Variants in B3GALT5 observed in about 807,000 individuals in gnomAD.
B3GALT5 encodes the protein beta-1,3-galactosyltransferase 5, also known as UDP-Gal:betaGlcNAc beta 1,3-galactosyltransferase, polypeptide 5.
For synonymous variants in B3GALT5, 156 were observed against 158.6 expected, an observed-to-expected ratio of 0.98 and a Z score of 0.12; for missense variants, 328 against 396.6, an observed-to-expected ratio of 0.83 and a Z score of 1.47.
chr21:39,659,747 T>C lies in B3GALT5; in HGVS notation c.-160-6T>C, dbSNP rs1254652799. 2 of 984,020 alleles carry C rather than the reference T, an allele frequency of 2.0e-6. No homozygotes were observed. The highest frequency in any genetic ancestry group is 1.8e-5 in the African/African-American group (1 of 57,116). 61.0% of individuals were successfully genotyped at this position (984,020 alleles called of 1,614,324 possible). A position where few individuals can be genotyped will look rare whatever the true frequency, so the allele number is the denominator to read the frequency against. ...TTGAATGACACTCTTTTTTTTTTTT[T>C]CCTAGTGATTCCTGTCAGAATCACC... On this transcript the variant is annotated splice_region_variant and splice_polypyrimidine_tract_variant and intron_variant, in intron 2 of 3. Transcript: ENST00000684187.
At chr21:39,639,351 C>T (rs12627649) in intron 1 of B3GALT5, among the ~76,000 whole-genome samples, 5,563 of 61,666 alleles carry the variant, frequency 0.09, 171 homozygotes, top group African/African-American at 0.099. Flanking sequence ...TCTTTCTTTC[C>T]TTCCTTCCTT....
intron 1 of B3GALT5, among the ~76,000 whole-genome samples, chr21:39,619,997 C>T (rs949249683): frequency 6.6e-6 from 1 of 151,892 alleles, no homozygotes; most frequent in African/African-American, 2.4e-5. Context: ...TTGGTAGAGA[C>T]GGTATTTTTG....
At chr21:39,617,847 C>T (rs941307256) in intron 1 of B3GALT5, among the ~76,000 whole-genome samples, 1 of 152,106 alleles carries the variant, frequency 6.6e-6, no homozygotes, top group Non-Finnish European at 1.5e-5. Flanking sequence ...GCCAGAAGAT[C>T]GGATACCTCT....
intron 1 of B3GALT5, among the ~76,000 whole-genome samples, chr21:39,627,374 G>T (rs116720047): frequency 0.012 from 1,778 of 152,276 alleles, 42 homozygotes; most frequent in African/African-American, 0.041. Context: ...CACCCTGTGG[G>T]GTTTCTCCTT....
intron 1 of B3GALT5, among the ~76,000 whole-genome samples, chr21:39,624,364 T>A (rs2079152917): frequency 6.6e-6 from 1 of 152,232 alleles, no homozygotes; most frequent in Non-Finnish European, 1.5e-5. Flanking sequence ...CTTACTTTTT[T>A]CATTTCAGTG....
At chr21:39,659,947 C>T (rs2079493672) in intron 3 of B3GALT5, 35 bp downstream of exon 3, 1 of 978,566 alleles carries the variant, frequency 1.0e-6, no homozygotes, top group South Asian at 4.7e-5. Context: ...TATAACGTTA[C>T]CATGGATGAT....
chr21:39,650,962 A>G (rs1444936926), intron 2 of B3GALT5, among the ~76,000 whole-genome samples: 1 of 145,794 alleles, frequency 6.9e-6, no homozygotes, highest in East Asian at 2.0e-4. Context: ...AAGGTCAGAT[A>G]AAACAACCAT....
chr21:39,614,672 C>A (rs1476297429), intron 1 of B3GALT5, among the ~76,000 whole-genome samples: 1 of 152,192 alleles, frequency 6.6e-6, no homozygotes, highest in Non-Finnish European at 1.5e-5. Flanking sequence ...GTGTAGCCCT[C>A]CCTCCTCTGT....
At chr21:39,639,287 GCT>G (rs374561150) in intron 1 of B3GALT5, among the ~76,000 whole-genome samples, 172 of 124,820 alleles carry the variant, frequency 1.4e-3, no homozygotes, top group Non-Finnish European at 2.2e-3. Flanking sequence ...CAGGCATCTG[GCT>G]CTTTCTTTCT....
chr21:39,629,150 G>A (rs1174830034), intron 1 of B3GALT5, among the ~76,000 whole-genome samples: 1 of 152,128 alleles, frequency 6.6e-6, no homozygotes, highest in Non-Finnish European at 1.5e-5. Context: ...GAGTAGCTGG[G>A]TCTACAGGCC....
At chr21:39,636,033 G>A (rs1466697036) in intron 1 of B3GALT5, among the ~76,000 whole-genome samples, 1 of 152,146 alleles carries the variant, frequency 6.6e-6, no homozygotes, top group African/African-American at 2.4e-5. Flanking sequence ...GAACTGACAA[G>A]TTTCTGAAAT....
At chr21:39,619,077 A>G (rs2079121461) in intron 1 of B3GALT5, among the ~76,000 whole-genome samples, 1 of 152,100 alleles carries the variant, frequency 6.6e-6, no homozygotes, top group African/African-American at 2.4e-5. Context: ...GTAATACCAT[A>G]CTTGTGTAGA....
intron 1 of B3GALT5, among the ~76,000 whole-genome samples, chr21:39,620,143 C>A (rs2079126977): frequency 6.6e-6 from 1 of 152,188 alleles, no homozygotes; most frequent in East Asian, 1.9e-4. Context: ...AATCTTCAGA[C>A]CTTGTTTGAA....
rs567725563 is a variant in B3GALT5, at chr21:39,648,849, G to T, written c.-161+2227G>T. On this transcript the variant is annotated intron_variant, in intron 2 of 3. Coordinates refer to ENST00000684187, the MANE Select transcript of B3GALT5 (RefSeq NM_001356336.2). ...GAGATGAGCGTCCCTGTAGAAAGAGGCACCAGGGCTGTCTCTGCCGTTGTG... is the reference window on the plus strand; with the variant it reads ...GAGATGAGCGTCCCTGTAGAAAGAGTCACCAGGGCTGTCTCTGCCGTTGTG... 8.2e-4 allele frequency among the ~76,000 whole-genome samples: 125 copies of T among 152,280 alleles called. 1 individual carries two copies. The highest frequency in any genetic ancestry group is 2.8e-3 in the African/African-American group (115 of 41,560).
chr21:39,632,128 G>A (rs1052758985), intron 1 of B3GALT5, among the ~76,000 whole-genome samples: 3 of 152,176 alleles, frequency 2.0e-5, no homozygotes, highest in East Asian at 3.8e-4. Flanking sequence ...ATGGAGCTGG[G>A]CTGTCAGGTA....
intron 1 of B3GALT5, among the ~76,000 whole-genome samples, chr21:39,645,431 G>C (rs1191373545): frequency 1.3e-5 from 2 of 152,204 alleles, no homozygotes; most frequent in Non-Finnish European, 2.9e-5. Flanking sequence ...TTTTTCTTAA[G>C]TTCTTCCTTA....
At position 39,673,091 on chromosome 21, in the gene B3GALT5, C is replaced by T. The variant is rs932377617; in HGVS notation, c.*11599C>T. On this transcript the variant is annotated 3_prime_UTR_variant, in exon 4 of 4. Coordinates refer to ENST00000684187, the MANE Select transcript of B3GALT5 (RefSeq NM_001356336.2). The surrounding 1 kb of genome is among the most constrained non-coding windows in gnomAD (Gnocchi z 5.2). The stretch of plus-strand genomic sequence containing the variant: ...GTCTTTGCGGTACAGATTGGCTCCT[C>T]GATCTTTCAAAGTGTCATTTAAATG... The T allele has an allele frequency of 6.6e-6, 1 of 152,160 alleles. No individual in the cohort carries two copies. Among genetic ancestry groups the T allele is most frequent in the Admixed American group, 6.5e-5 (1 of 15,278 alleles). The allele number at this position is 152,160 out of a possible 1,614,324, so 9.4% of individuals were successfully genotyped here.
chr21:39,621,940 C>T (rs1481941049), intron 1 of B3GALT5, among the ~76,000 whole-genome samples: 1 of 151,934 alleles, frequency 6.6e-6, no homozygotes, highest in Non-Finnish European at 1.5e-5. Context: ...TTCTTTTTCT[C>T]ACCTTTCAAA....
chr21:39,650,038 A>T (rs1479993304), intron 2 of B3GALT5, among the ~76,000 whole-genome samples: 1 of 152,056 alleles, frequency 6.6e-6, no homozygotes, highest in East Asian at 1.9e-4. Context: ...AACCCCGCAA[A>T]GATTTGTCGT....
Sources: allele counts gnomAD v4.1 joint callset (sites outside exome capture counted in the v4.1 genomes callset), GRCh38; gene constraint gnomAD v4.1.1; non-coding constraint Gnocchi (gnomAD v3.1); transcripts MANE v1.5; gene names NCBI Gene and HGNC (gene_info 2026-07-23, HGNC 2026-07-21).